BACH2: variants seen among roughly 807,000 people sequenced by gnomAD.
BACH2 encodes transcription regulator protein BACH2.
BACH2 carries 5 observed loss-of-function variants against 61.8 expected under a neutral mutation model. The observed-to-expected ratio is 0.08, with a 90% confidence interval of 0.04 to 0.17. The LOEUF (loss-of-function observed/expected upper bound fraction) is 0.17. Among genes scored for constraint, BACH2 ranks in the 10% least tolerant of loss-of-function variants. BACH2 has a pLI of 1.00. For missense variants in BACH2, 824 were observed against 1,091.1 expected, an observed-to-expected ratio of 0.76 and a Z score of 3.45; for synonymous variants, 446 against 440.1, an observed-to-expected ratio of 1.01 and a Z score of -0.17.
chr6:89,935,403 C>A (rs190587299), intron 8 of BACH2, among the ~76,000 whole-genome samples: 40 of 152,256 alleles, frequency 2.6e-4, no homozygotes, highest in African/African-American at 9.4e-4. Context: ...CACATTACCC[C>A]GGCCAAAGCA....
At chr6:90,060,631 G>A (rs1010442416) in intron 5 of BACH2, among the ~76,000 whole-genome samples, 1 of 151,770 alleles carries the variant, frequency 6.6e-6, no homozygotes, top group Non-Finnish European at 1.5e-5. Flanking sequence ...TGGTGGGGAA[G>A]GAGTAATTAA....
intron 4 of BACH2, among the ~76,000 whole-genome samples, chr6:90,166,382 A>G (rs371472192): frequency 4.6e-5 from 7 of 152,258 alleles, no homozygotes; most frequent in East Asian, 1.9e-4. Flanking sequence ...TTAGAATGGC[A>G]ATCATTAAAA....
At chr6:90,261,787 T>C (rs1406854524) in intron 2 of BACH2, among the ~76,000 whole-genome samples, 1 of 152,188 alleles carries the variant, frequency 6.6e-6, no homozygotes. Context: ...TGAGCACTTA[T>C]ATACTTATAT....
chr6:90,165,411 T>C (rs1471306812), intron 4 of BACH2, among the ~76,000 whole-genome samples: 1 of 152,024 alleles, frequency 6.6e-6, no homozygotes, highest in Non-Finnish European at 1.5e-5. Context: ...TAAAAGAGGA[T>C]ACAAACAAAT....
chr6:90,166,446 C>T (rs1767621232), intron 4 of BACH2, among the ~76,000 whole-genome samples: 1 of 152,180 alleles, frequency 6.6e-6, no homozygotes, highest in Non-Finnish European at 1.5e-5. Flanking sequence ...AACACTTTTA[C>T]ACTGTTCGTG....
chr6:90,155,510 T>C lies in BACH2; in HGVS notation c.-162+51059A>G, dbSNP rs73752890. On this transcript the variant is annotated intron_variant, in intron 4 of 8. Transcript: ENST00000257749. ...TTAGCAATCAGGTTTCGCCTTTAGC[T>C]GAACTCCTTTCATTTCATGCAATAT... 4.8e-3 allele frequency among the ~76,000 whole-genome samples: 737 copies of C among 152,342 alleles called. 2 individuals are homozygous for C. Among genetic ancestry groups the C allele is most frequent in the African/African-American group, 0.017 (699 of 41,576 alleles).
chr6:90,215,195 C>T (rs1769491496), intron 3 of BACH2, among the ~76,000 whole-genome samples: 1 of 152,096 alleles, frequency 6.6e-6, no homozygotes, highest in South Asian at 2.1e-4. Flanking sequence ...TGCTCTCAAA[C>T]CAGTTTCTGC....
At chr6:90,235,305 C>T (rs1770223120) in intron 3 of BACH2, among the ~76,000 whole-genome samples, 1 of 152,152 alleles carries the variant, frequency 6.6e-6, no homozygotes, top group African/African-American at 2.4e-5. Flanking sequence ...AGAGATAAAT[C>T]ACTTAACATC....
intron 6 of BACH2, among the ~76,000 whole-genome samples, chr6:89,975,795 G>C (rs1411107460): frequency 6.6e-6 from 1 of 152,176 alleles, no homozygotes; most frequent in Non-Finnish European, 1.5e-5. Context: ...TTCTCGTTTT[G>C]GATCTGGTGG....
intron 2 of BACH2, among the ~76,000 whole-genome samples, chr6:90,265,578 C>A (rs1051926098): frequency 6.6e-6 from 1 of 152,182 alleles, no homozygotes; most frequent in Admixed American, 6.5e-5. Flanking sequence ...ATAAACACCA[C>A]GCTGCAGAAC....
At chr6:90,094,029 A>G (rs2127809153) in intron 4 of BACH2, among the ~76,000 whole-genome samples, 1 of 152,358 alleles carries the variant, frequency 6.6e-6, no homozygotes, top group East Asian at 1.9e-4. Context: ...CATATCCCAG[A>G]TATGGGAAAT....
intron 4 of BACH2, among the ~76,000 whole-genome samples, chr6:90,163,256 A>G (rs1767462908): frequency 6.6e-6 from 1 of 152,214 alleles, no homozygotes; most frequent in Non-Finnish European, 1.5e-5. Context: ...CAATTGTTTG[A>G]TAAACAGACC....
chr6:90,193,007 C>T (rs1306492005), intron 4 of BACH2, among the ~76,000 whole-genome samples: 1 of 152,198 alleles, frequency 6.6e-6, no homozygotes, highest in East Asian at 1.9e-4. Flanking sequence ...TGCATGTGGC[C>T]ATCTAGCACA....
At chr6:90,294,957 C>T (rs1772292634) in intron 1 of BACH2, among the ~76,000 whole-genome samples, 1 of 152,246 alleles carries the variant, frequency 6.6e-6, no homozygotes, top group Non-Finnish European at 1.5e-5. Flanking sequence ...AAGGTTCCCA[C>T]TAGGCAGGAA....
At chr6:89,945,054 C>G (rs754090371) in intron 7 of BACH2, among the ~76,000 whole-genome samples, 1 of 152,156 alleles carries the variant, frequency 6.6e-6, no homozygotes, top group Non-Finnish European at 1.5e-5. Context: ...GAAACTGGAT[C>G]CTTGATACAC....
rs1216874977 is a variant in BACH2, at chr6:89,927,732, A to G, written c.*4676T>C. 4.6e-5 allele frequency: 7 copies of G among 152,840 alleles called. No homozygotes were observed. Among genetic ancestry groups the G allele is most frequent in the African/African-American group, 1.7e-4 (7 of 41,474 alleles). 9.5% of individuals were successfully genotyped at this position (152,840 alleles called of 1,614,324 possible). ...GCACTGATATTCATTTGATAGAAAT[A>G]TCATCTCCCAGGGTGGAGTGTAGGA... is the stretch of plus-strand genomic sequence containing the variant. On this transcript the variant is annotated 3_prime_UTR_variant, in exon 9 of 9. Coordinates refer to ENST00000257749, the MANE Select transcript of BACH2 (RefSeq NM_021813.4).
intron 1 of BACH2, among the ~76,000 whole-genome samples, chr6:90,289,836 T>G (rs1426287959): frequency 6.6e-6 from 1 of 152,154 alleles, no homozygotes; most frequent in Non-Finnish European, 1.5e-5. Flanking sequence ...CTATTTAGAC[T>G]CACTTTTTCA....
intron 4 of BACH2, among the ~76,000 whole-genome samples, chr6:90,164,591 C>T (rs902156233): frequency 1.3e-5 from 2 of 152,130 alleles, no homozygotes; most frequent in African/African-American, 4.8e-5. Flanking sequence ...GATACCAAAG[C>T]CTGGCAGAGT....
chr6:90,218,121 T>C (rs900188230), intron 3 of BACH2: 1 of 152,226 alleles, frequency 6.6e-6, no homozygotes, highest in Non-Finnish European at 1.5e-5. Context: ...CTCAGTGTCA[T>C]GTTGGCGTCA....
Sources: gnomAD v4.1 joint callset for allele counts (sites outside exome capture counted in the v4.1 genomes callset) on GRCh38, gnomAD v4.1.1 for gene constraint, MANE v1.5 for transcripts, NCBI Gene and HGNC (gene_info 2026-07-23, HGNC 2026-07-21) for gene names.